SHISA9: variants seen among roughly 807,000 people sequenced by gnomAD.
SHISA9 encodes shisa family member 9, also known as protein shisa-9.
In SHISA9, 13 loss-of-function variants were observed where a neutral mutation model predicts 38.0. The observed-to-expected ratio is 0.34, with a 90% CI of 0.22 to 0.54. The LOEUF is 0.54. SHISA9 is among the 20% of genes least tolerant of loss of function. SHISA9 has a pLI of 0.91. For synonymous variants in SHISA9, 275 were observed against 242.0 expected (o/e 1.14, Z -1.27); for missense variants, 538 against 575.8 (o/e 0.93, Z 0.67).
chr16:13,556,217 A>T, the SHISA9 span, among the ~76,000 whole-genome samples: 2 of 152,184 alleles, frequency 1.3e-5, no homozygotes, highest in Non-Finnish European at 2.9e-5. Flanking sequence ...CTGCTAAATC[A>T]GTGGTGACTC....
At chr16:12,994,193 G>A (rs1046219379) in intron 2 of SHISA9, among the ~76,000 whole-genome samples, 2 of 152,150 alleles carry the variant, frequency 1.3e-5, no homozygotes, top group African/African-American at 4.8e-5. Flanking sequence ...GGCTGAGGGA[G>A]CCAGGGATAG....
chr16:13,456,720 T>C, the SHISA9 span, among the ~76,000 whole-genome samples: 1 of 152,238 alleles, frequency 6.6e-6, no homozygotes, highest in Admixed American at 6.5e-5. Context: ...TGAAGACTAA[T>C]GATCAGCGCC....
intron 2 of SHISA9, among the ~76,000 whole-genome samples, chr16:13,084,243 C>G (rs1290075082): frequency 6.6e-6 from 1 of 152,226 alleles, no homozygotes; most frequent in African/African-American, 2.4e-5. Context: ...CCTGCATAAT[C>G]ATATCCACCT....
the SHISA9 span, among the ~76,000 whole-genome samples, chr16:13,315,375 T>C: frequency 6.6e-6 from 1 of 152,224 alleles, no homozygotes; most frequent in African/African-American, 2.4e-5. Context: ...AGGGTCTTAG[T>C]AAGAGGAAGC....
chr16:13,492,481 T>C, the SHISA9 span, among the ~76,000 whole-genome samples: 1 of 152,174 alleles, frequency 6.6e-6, no homozygotes, highest in African/African-American at 2.4e-5. Context: ...TTTTAGAACA[T>C]TACAGCATGC....
At chr16:13,099,851 C>T (rs1567211995) in intron 2 of SHISA9, among the ~76,000 whole-genome samples, 1 of 152,198 alleles carries the variant, frequency 6.6e-6, no homozygotes, top group Non-Finnish European at 1.5e-5. Flanking sequence ...CTTTACAAAT[C>T]CCAGGGGCCT....
chr16:13,315,394 C>T, the SHISA9 span, among the ~76,000 whole-genome samples: 27 of 152,214 alleles, frequency 1.8e-4, no homozygotes, highest in Non-Finnish European at 3.5e-4. Flanking sequence ...GCTGTCACTA[C>T]AGTACCCAAT....
chr16:13,431,698 C>T, the SHISA9 span, among the ~76,000 whole-genome samples: 1 of 152,202 alleles, frequency 6.6e-6, no homozygotes, highest in Non-Finnish European at 1.5e-5. Flanking sequence ...TCCCTGCCTT[C>T]TCATAGTGAG....
At chr16:13,488,055 A>C in the SHISA9 span, among the ~76,000 whole-genome samples, 43,277 of 152,120 alleles carry the variant, frequency 0.28, 6,754 homozygotes, top group East Asian at 0.37. Flanking sequence ...GCTAGTGCTC[A>C]TTCAAACCCT....
chr16:13,392,129 G>T, the SHISA9 span, among the ~76,000 whole-genome samples: 47 of 152,252 alleles, frequency 3.1e-4, no homozygotes, highest in African/African-American at 1.1e-3. Context: ...GGGAGTAAAG[G>T]TACCTCGAAC....
chr16:13,372,271 A>AT, the SHISA9 span, among the ~76,000 whole-genome samples: 1 of 152,138 alleles, frequency 6.6e-6, no homozygotes, highest in Non-Finnish European at 1.5e-5. Flanking sequence ...AAAGTCCAAC[A>AT]TTTTCCATTC....
At chr16:13,093,981 C>T (rs1311208636) in intron 2 of SHISA9, among the ~76,000 whole-genome samples, 3 of 152,124 alleles carry the variant, frequency 2.0e-5, no homozygotes, top group Non-Finnish European at 4.4e-5. Flanking sequence ...GCCTGCGTCC[C>T]AGCCACCCCC....
chr16:13,010,396 A>T (rs1351394513), intron 2 of SHISA9, among the ~76,000 whole-genome samples: 1 of 152,204 alleles, frequency 6.6e-6, no homozygotes, highest in Non-Finnish European at 1.5e-5. Flanking sequence ...AGTATCTTAG[A>T]CTTAGAGAAT....
intron 2 of SHISA9, among the ~76,000 whole-genome samples, chr16:12,927,401 C>A (rs1050851659): frequency 3.3e-5 from 5 of 151,978 alleles, no homozygotes; most frequent in African/African-American, 4.8e-5. Flanking sequence ...CTGTTTTTTA[C>A]TTACTTATTT....
At chr16:13,058,174 G>T (rs2073332108) in intron 2 of SHISA9, among the ~76,000 whole-genome samples, 1 of 152,148 alleles carries the variant, frequency 6.6e-6, no homozygotes, top group African/African-American at 2.4e-5. Context: ...TTTTTAAAAA[G>T]ATGCTTTTCC....
intron 2 of SHISA9, among the ~76,000 whole-genome samples, chr16:13,184,970 C>G (rs1386511155): frequency 1.3e-5 from 2 of 152,082 alleles, no homozygotes; most frequent in African/African-American, 4.8e-5. Flanking sequence ...ATTGGAGGAT[C>G]ATATTGTAAG....
the SHISA9 span, among the ~76,000 whole-genome samples, chr16:13,561,573 G>A: frequency 2.6e-5 from 4 of 152,156 alleles, no homozygotes; most frequent in East Asian, 1.9e-4. Flanking sequence ...GTGCCAAAGC[G>A]TGCTGATCCT....
At chr16:13,462,340 A>T in the SHISA9 span, among the ~76,000 whole-genome samples, 2 of 152,232 alleles carry the variant, frequency 1.3e-5, no homozygotes, top group Admixed American at 1.3e-4. Context: ...TTCAGACAAA[A>T]GAAACAGCAT....
At chr16:13,556,672 AAAAAT>A in the SHISA9 span, among the ~76,000 whole-genome samples, 3 of 152,132 alleles carry the variant, frequency 2.0e-5, no homozygotes, top group African/African-American at 7.2e-5. Context: ...CAAAAAAATA[AAAAAT>A]AAAATAAACA....
Sources: allele counts gnomAD v4.1 joint callset (sites outside exome capture counted in the v4.1 genomes callset), GRCh38; gene constraint gnomAD v4.1.1; transcripts MANE v1.5; gene names NCBI Gene and HGNC (gene_info 2026-07-23, HGNC 2026-07-21).